IQCM: variants seen among roughly 807,000 people sequenced by gnomAD.
IQCM encodes IQ motif containing M, also known as IQ domain-containing protein M.
In IQCM, 45 loss-of-function variants were observed where a neutral mutation model predicts 57.6. The observed-to-expected ratio is 0.78, with a 90% CI of 0.62 to 1.00. IQCM has a LOEUF of 1.00. IQCM is among the 50% of genes least tolerant of loss of function. The pLI is 0.00. For synonymous variants in IQCM, 148 were observed against 158.9 expected (o/e 0.93, Z 0.51); for missense variants, 468 against 511.6 (o/e 0.91, Z 0.82).
intron 12 of IQCM, among the ~76,000 whole-genome samples, chr4:149,492,618 C>T (rs1404326675): frequency 6.6e-6 from 1 of 152,080 alleles, no homozygotes; most frequent in East Asian, 1.9e-4. Context: ...CTTGCAAGGC[C>T]TACATTCTGT....
intron 13 of IQCM, among the ~76,000 whole-genome samples, chr4:149,413,846 G>A (rs970282351): frequency 1.3e-5 from 2 of 152,118 alleles, no homozygotes; most frequent in African/African-American, 4.8e-5. Flanking sequence ...TAAATTCACT[G>A]AAATGTTGAC....
intron 12 of IQCM, among the ~76,000 whole-genome samples, chr4:149,457,492 G>A (rs752629136): frequency 6.6e-6 from 1 of 151,870 alleles, no homozygotes; most frequent in African/African-American, 2.4e-5. Flanking sequence ...TGGAATACTT[G>A]ATTTTTTAAA....
At chr4:149,390,504 T>C (rs1244813768) in intron 13 of IQCM, among the ~76,000 whole-genome samples, 4 of 151,940 alleles carry the variant, frequency 2.6e-5, no homozygotes, top group African/African-American at 9.7e-5. Context: ...AAGACATTTC[T>C]GATCTTAGGG....
At chr4:149,776,792 T>C (rs1335325510) in intron 2 of IQCM, among the ~76,000 whole-genome samples, 1 of 152,120 alleles carries the variant, frequency 6.6e-6, no homozygotes, top group Admixed American at 6.5e-5. Flanking sequence ...TAAGAAGACA[T>C]AAAAACATCT....
At chr4:149,641,105 T>C (rs1439989985) in intron 7 of IQCM, among the ~76,000 whole-genome samples, 1 of 152,162 alleles carries the variant, frequency 6.6e-6, no homozygotes, top group African/African-American at 2.4e-5. Flanking sequence ...CCAGCCTGGG[T>C]GACAGAGTGA....
At chr4:149,368,195 T>C (rs1729972375) in intron 13 of IQCM, among the ~76,000 whole-genome samples, 1 of 152,074 alleles carries the variant, frequency 6.6e-6, no homozygotes, top group Admixed American at 6.6e-5. Flanking sequence ...TGCAGCTCTC[T>C]AGATTGGCTT....
At chr4:149,786,453 T>G (rs1772089086) in intron 2 of IQCM, among the ~76,000 whole-genome samples, 1 of 151,800 alleles carries the variant, frequency 6.6e-6, no homozygotes, top group African/African-American at 2.4e-5. Context: ...CACCCCAAAG[T>G]AGAAGAGGAA....
chr4:149,659,037 G>A (rs1214241874), intron 7 of IQCM, among the ~76,000 whole-genome samples: 4 of 151,806 alleles, frequency 2.6e-5, no homozygotes, highest in East Asian at 3.9e-4. Flanking sequence ...TAAAAAAAAG[G>A]GTATCTTTTT....
intron 7 of IQCM, among the ~76,000 whole-genome samples, chr4:149,679,233 C>G (rs1353811762): frequency 6.6e-6 from 1 of 151,470 alleles, no homozygotes; most frequent in Non-Finnish European, 1.5e-5. Context: ...TTTGTGACAA[C>G]ATGGAGGGAA....
chr4:149,806,618 G>T (rs75956712), intron 2 of IQCM, among the ~76,000 whole-genome samples: 2 of 151,864 alleles, frequency 1.3e-5, no homozygotes, highest in African/African-American at 4.8e-5. Context: ...AAATGGTAAT[G>T]AACTTTTATA....
intron 12 of IQCM, among the ~76,000 whole-genome samples, chr4:149,467,141 T>C (rs1187398198): frequency 6.6e-6 from 1 of 152,192 alleles, no homozygotes. Flanking sequence ...AATAGTGTGC[T>C]ATCACTCAAC....
chr4:149,465,176 A>G (rs1179296105), intron 12 of IQCM, among the ~76,000 whole-genome samples: 1 of 152,224 alleles, frequency 6.6e-6, no homozygotes, highest in African/African-American at 2.4e-5. Context: ...TACATTATTG[A>G]ATATAAATCA....
chr4:149,472,804 C>T (rs1249995363), intron 12 of IQCM, among the ~76,000 whole-genome samples: 2 of 152,078 alleles, frequency 1.3e-5, no homozygotes, highest in East Asian at 3.9e-4. Context: ...ATAGAGCCCT[C>T]AGAAATAATA....
chr4:149,595,406 C>T (rs1047701609), intron 8 of IQCM, among the ~76,000 whole-genome samples: 1 of 152,112 alleles, frequency 6.6e-6, no homozygotes, highest in Non-Finnish European at 1.5e-5. Context: ...AAACACATCA[C>T]TCACATAATA....
At chr4:149,592,556 G>A (rs1450667366) in intron 8 of IQCM, among the ~76,000 whole-genome samples, 1 of 151,896 alleles carries the variant, frequency 6.6e-6, no homozygotes, top group Non-Finnish European at 1.5e-5. Context: ...GAATGGTATT[G>A]CCTAGGTTTT....
At chr4:149,362,062 G>A (rs1193727723) in intron 13 of IQCM, among the ~76,000 whole-genome samples, 1 of 152,116 alleles carries the variant, frequency 6.6e-6, no homozygotes, top group East Asian at 1.9e-4. Flanking sequence ...AGATAATTTT[G>A]GAGCTTTAAA....
At chr4:149,429,440 G>T (rs555083330) in intron 13 of IQCM, among the ~76,000 whole-genome samples, 2 of 151,800 alleles carry the variant, frequency 1.3e-5, no homozygotes, top group Non-Finnish European at 2.9e-5. Context: ...GACTTATGCA[G>T]CATTCCAGTT....
chr4:149,449,749 A>G lies in IQCM; in HGVS notation c.1229-16192T>C, dbSNP rs1309419600. Among the ~76,000 whole-genome samples the G allele has an allele frequency of 8.6e-5, 13 of 151,936 alleles. No individual in the cohort carries two copies. In the East Asian group the frequency reaches 2.1e-3, roughly 25 times the overall value. ...AAGATATTTCATGTTCATGGATTGAAAGAATCAGTTTTGTTAAAATGTACA... is the reference window on the plus strand; with the variant it reads ...AAGATATTTCATGTTCATGGATTGAGAGAATCAGTTTTGTTAAAATGTACA... On this transcript the variant is annotated intron_variant, in intron 12 of 13. Transcript: ENST00000636793.
chr4:149,539,290 G>C (rs1340905631), intron 12 of IQCM, among the ~76,000 whole-genome samples: 1 of 152,078 alleles, frequency 6.6e-6, no homozygotes, highest in Non-Finnish European at 1.5e-5. Context: ...GTTGAAAAAA[G>C]CCAGTCATAG....
Sources: gnomAD v4.1 joint callset for allele counts (sites outside exome capture counted in the v4.1 genomes callset) on GRCh38, gnomAD v4.1.1 for gene constraint, MANE v1.5 for transcripts, NCBI Gene and HGNC (gene_info 2026-07-23, HGNC 2026-07-21) for gene names.